The following BANF2 variants were observed in gnomAD, a reference collection of about 807,000 sequenced individuals.
The protein encoded by BANF2 is BANF family member 2, also known as barrier-to-autointegration factor-like protein.
A neutral mutation model predicts 8.0 loss-of-function variants in BANF2; 4 were observed. That is an observed-to-expected ratio of 0.50 (90% confidence interval 0.25 to 1.14). The LOEUF is 1.14. BANF2 is among the 50% of genes most tolerant of loss of function. The pLI is 0.16. For synonymous variants in BANF2, 50 were observed against 40.6 expected (o/e 1.23, Z -0.88); for missense variants, 96 against 107.5 (o/e 0.89, Z 0.47).
At chr20:17,706,430 C>T (rs996450768) in intron 1 of BANF2, among the ~76,000 whole-genome samples, 1 of 152,184 alleles carries the variant, frequency 6.6e-6, no homozygotes, top group Non-Finnish European at 1.5e-5. Flanking sequence ...ATGAGCTTAA[C>T]ACGAAGGATT....
At chr20:17,712,457 T>C (rs967030054) in intron 1 of BANF2, 12 of 896,034 alleles carry the variant, frequency 1.3e-5, no homozygotes, top group Non-Finnish European at 1.6e-5. Flanking sequence ...CCAAGTCCCA[T>C]GCACCATTCC....
chr20:17,720,763 C>A (rs545567666), intron 1 of BANF2, among the ~76,000 whole-genome samples: 3 of 152,132 alleles, frequency 2.0e-5, no homozygotes, highest in Non-Finnish European at 4.4e-5. Context: ...ATTACTGAAC[C>A]GTGCACTTAA....
chr20:17,722,465 A>G (rs2122627312), intron 1 of BANF2, among the ~76,000 whole-genome samples: 2 of 152,316 alleles, frequency 1.3e-5, no homozygotes, highest in East Asian at 1.9e-4. Flanking sequence ...TTCTCACCCA[A>G]TTCATCAATC....
chr20:17,717,349 T>A (rs888421666), intron 1 of BANF2, among the ~76,000 whole-genome samples: 4 of 152,058 alleles, frequency 2.6e-5, no homozygotes, highest in African/African-American at 9.7e-5. Flanking sequence ...TTCCTATAAA[T>A]CTGCTTGGTT....
intron 1 of BANF2, among the ~76,000 whole-genome samples, chr20:17,719,535 C>T (rs928990008): frequency 6.6e-6 from 1 of 151,974 alleles, no homozygotes; most frequent in African/African-American, 2.4e-5. Context: ...TCGGGGAGCC[C>T]AAGGAGGGCA....
intron 1 of BANF2, among the ~76,000 whole-genome samples, chr20:17,721,936 G>A (rs1340908683): frequency 6.6e-6 from 1 of 152,234 alleles, no homozygotes; most frequent in African/African-American, 2.4e-5. Context: ...TGGGGCAGTT[G>A]TGTGCATGGC....
chr20:17,705,981 C>T (rs1011583197), intron 1 of BANF2, among the ~76,000 whole-genome samples: 2 of 152,222 alleles, frequency 1.3e-5, no homozygotes, highest in African/African-American at 2.4e-5. Flanking sequence ...AGTGCCCAAC[C>T]CCTGCCTGGG....
In BANF2 at chr20:17,694,072, C is replaced by G. The variant is rs188809639; in HGVS notation, c.18+366C>G. Among the ~76,000 whole-genome samples, 567 of 152,308 alleles carry G rather than the reference C, an allele frequency of 3.7e-3. 6 individuals carry two copies. Among genetic ancestry groups the G allele is most frequent in the Admixed American group, 6.1e-3 (93 of 15,298 alleles). ...GAACTGAATACATACAACGTGTGGC[C>G]TAATTGTCAATAAGTACTTGTTCGT... On this transcript the variant is annotated intron_variant, in intron 1 of 2. Transcript: ENST00000545418.
At chr20:17,705,242 C>G (rs937006151) in intron 1 of BANF2, among the ~76,000 whole-genome samples, 10 of 152,174 alleles carry the variant, frequency 6.6e-5, no homozygotes, top group African/African-American at 2.4e-4. Context: ...AGGTGATTCT[C>G]CATGTAAAAT....
At chr20:17,724,891 C>A in intron 2 of BANF2, 132 bp from the exon 3 acceptor site, 1 of 940,598 alleles carries the variant, frequency 1.1e-6, no homozygotes. Flanking sequence ...CCGGGAAATG[C>A]TGGATGATGG....
intron 2 of BANF2, among the ~76,000 whole-genome samples, chr20:17,723,867 C>G (rs1698668777): frequency 6.6e-6 from 1 of 152,132 alleles, no homozygotes; most frequent in Non-Finnish European, 1.5e-5. Flanking sequence ...TGGTGGCACA[C>G]ACCTGTAATC....
At chr20:17,694,870 C>T (rs2037332652) in intron 1 of BANF2, among the ~76,000 whole-genome samples, 1 of 151,972 alleles carries the variant, frequency 6.6e-6, no homozygotes, top group Non-Finnish European at 1.5e-5. Flanking sequence ...AATCTTCCTG[C>T]CTCAGCCTCC....
At chr20:17,728,085 T>C (rs923120484) in intron 3 of BANF2, among the ~76,000 whole-genome samples, 5 of 152,302 alleles carry the variant, frequency 3.3e-5, no homozygotes, top group Middle Eastern at 3.4e-3. Context: ...GAGGGACATC[T>C]TTCTGAGCCT....
intron 3 of BANF2, among the ~76,000 whole-genome samples, chr20:17,728,165 C>T (rs2037837173): frequency 6.6e-6 from 1 of 152,146 alleles, no homozygotes; most frequent in African/African-American, 2.4e-5. Flanking sequence ...CCCCGTCCCA[C>T]CCCAGGCTGG....
chr20:17,723,063 T>A (rs145321087), intron 2 of BANF2, among the ~76,000 whole-genome samples, 185 bp downstream of exon 2: 1 of 152,272 alleles, frequency 6.6e-6, no homozygotes, highest in East Asian at 1.9e-4. Flanking sequence ...TGCTGGGGAA[T>A]GTGTGGAGGA....
At chr20:17,693,696 G>A (rs1317561867) in exon 1 of BANF2, 74 of 1,551,492 alleles carry the variant, frequency 4.8e-5, no homozygotes, top group Admixed American at 1.8e-4. Context: ...TGAATGCTGC[G>A]AGGAACAAAG....
At chr20:17,703,817 C>T (rs2037444523) in intron 1 of BANF2, among the ~76,000 whole-genome samples, 1 of 150,324 alleles carries the variant, frequency 6.7e-6, no homozygotes, top group Non-Finnish European at 1.5e-5. Flanking sequence ...TCTTGGCTCA[C>T]TGCAACCTCC....
upstream of BANF2, among the ~76,000 whole-genome samples, chr20:17,695,655 A>C (rs568653978): frequency 1.3e-5 from 2 of 152,098 alleles, no homozygotes; most frequent in Admixed American, 6.5e-5. Flanking sequence ...CCACACATAC[A>C]TATATGTGTA....
At chr20:17,721,863 T>G (rs1178348483) in intron 1 of BANF2, among the ~76,000 whole-genome samples, 1 of 152,220 alleles carries the variant, frequency 6.6e-6, no homozygotes, top group Non-Finnish European at 1.5e-5. Context: ...TTTTCATTAC[T>G]TATAGCCCAG....
Sources: allele counts gnomAD v4.1 joint callset (sites outside exome capture counted in the v4.1 genomes callset), GRCh38; gene constraint gnomAD v4.1.1; transcripts MANE v1.5; gene names NCBI Gene and HGNC (gene_info 2026-07-23, HGNC 2026-07-21).